Variants in GRAMD1C observed in about 807,000 individuals in gnomAD.
GRAMD1C encodes GRAM domain containing 1C.
GRAMD1C carries 89 observed loss-of-function variants against 97.8 expected under a neutral mutation model. The ratio of observed to expected loss-of-function variants is 0.91; its 90% CI spans 0.77 to 1.09. GRAMD1C has a LOEUF of 1.09. Among genes scored for constraint, GRAMD1C ranks in the 50% least tolerant of loss-of-function variants. The pLI is 0.00. For missense variants in GRAMD1C, 740 were observed against 766.4 expected, an observed-to-expected ratio of 0.97 and a Z score of 0.41; for synonymous variants, 256 against 267.0, an observed-to-expected ratio of 0.96 and a Z score of 0.40.
intron 10 of GRAMD1C, 55 bp from the exon 11 acceptor site, chr3:113,930,659 A>G (rs1577217799): frequency 1.8e-5 from 16 of 908,414 alleles, no homozygotes; most frequent in South Asian, 1.5e-4. Context: ...ATTTCATTTA[A>G]TGTCATACTG....
intron 6 of GRAMD1C, among the ~76,000 whole-genome samples, chr3:113,900,546 G>A (rs1430425127): frequency 1.3e-4 from 20 of 149,372 alleles, no homozygotes; most frequent in Middle Eastern, 3.4e-3. Flanking sequence ...TCAGCCTCCT[G>A]AATAGCTGGG....
At chr3:113,911,732 T>TCCTTCCTTC in intron 9 of GRAMD1C, among the ~76,000 whole-genome samples, 2 of 10,584 alleles carry the variant, frequency 1.9e-4, no homozygotes, top group African/African-American at 3.7e-4. Context: ...TCCTTCCTTT[T>TCCTTCCTTC]CTTTCTTTCT....
chr3:113,889,522 G>T (rs1264134392), intron 6 of GRAMD1C, among the ~76,000 whole-genome samples: 1 of 152,186 alleles, frequency 6.6e-6, no homozygotes, highest in Non-Finnish European at 1.5e-5. Context: ...TGTGAAAACC[G>T]CCTGAATTGT....
chr3:113,887,039 C>T lies in GRAMD1C; in HGVS notation c.540+4207C>T, dbSNP rs377233806. ...TCGTGATCCGCCTGCCTTGGCCTCC[C>T]AAAGTGCTGGGATTACAGGCATGAG... On this transcript the variant is annotated intron_variant, in intron 6 of 17. Transcript: ENST00000358160. Among the ~76,000 whole-genome samples, 14 of 148,130 alleles carry T rather than the reference C, an allele frequency of 9.5e-5. No homozygotes were observed. In the East Asian group the frequency reaches 2.0e-3, roughly 21 times the overall value.
At chr3:113,924,413 A>G (rs77754505) in intron 10 of GRAMD1C, among the ~76,000 whole-genome samples, 2,191 of 152,138 alleles carry the variant, frequency 0.014, 24 homozygotes, top group Non-Finnish European at 0.022. Flanking sequence ...GGTGTTTAGC[A>G]CTATAAACTT....
rs142768332 is a variant in GRAMD1C at position 113,945,324 on chromosome 3, G to A, written c.1909-74G>A. 447 of 833,554 alleles carry A rather than the reference G, an allele frequency of 5.4e-4. 5 individuals carry two copies. In the East Asian group the frequency reaches 0.011, roughly 21 times the overall value. The allele number at this position is 833,554 out of a possible 1,614,324, so 51.6% of individuals were successfully genotyped here. On this transcript the variant is annotated intron_variant, in intron 17 of 17. Transcript: ENST00000358160. Reference sequence around the variant, plus strand: ...TATATTAAGTGTCACTGTAAATTTTGGGCATAAAAAACAGAAATTTTCAAA... The same window carrying A: ...TATATTAAGTGTCACTGTAAATTTTAGGCATAAAAAACAGAAATTTTCAAA...
intron 2 of GRAMD1C, among the ~76,000 whole-genome samples, chr3:113,848,081 A>G (rs771722928): frequency 1.3e-5 from 2 of 152,258 alleles, no homozygotes; most frequent in Non-Finnish European, 2.9e-5. Context: ...AATAATTCAT[A>G]TGTTCTAGCC....
Position 113,868,161 on chromosome 3 carries a change from C to T in GRAMD1C, c.175-1346C>T, listed in dbSNP as rs146686407. ...TGTAAAAAATCTATTTGCTTAGGTT[C>T]TTTACTTGTTGAGTCATTGTTGTCA... On this transcript the variant is annotated intron_variant, in intron 2 of 17. Transcript: ENST00000358160. 2.0e-5 allele frequency among the ~76,000 whole-genome samples: 3 copies of T among 152,154 alleles called. No homozygotes were observed. In the East Asian group the frequency reaches 5.8e-4, roughly 29 times the overall value.
chr3:113,885,347 C>A, intron 6 of GRAMD1C: 1 of 1,592,508 alleles, frequency 6.3e-7, no homozygotes, highest in Non-Finnish European at 8.6e-7. Context: ...GTGGCCTTCG[C>A]TGCCAAGCTC....
chr3:113,870,390 A>AT (rs1491282244), intron 3 of GRAMD1C, among the ~76,000 whole-genome samples: 1 of 151,704 alleles, frequency 6.6e-6, no homozygotes, highest in Non-Finnish European at 1.5e-5. Context: ...AAAAAAAAAA[A>AT]GAGAGAGAGA....
At chr3:113,912,231 G>T (rs1166297812) in intron 9 of GRAMD1C, among the ~76,000 whole-genome samples, 1 of 152,144 alleles carries the variant, frequency 6.6e-6, no homozygotes, top group Non-Finnish European at 1.5e-5. Flanking sequence ...GGTTGAAGAA[G>T]AGACATCTCC....
intron 10 of GRAMD1C, among the ~76,000 whole-genome samples, chr3:113,918,011 A>G (rs1288853937): frequency 6.6e-6 from 1 of 151,934 alleles, no homozygotes; most frequent in African/African-American, 2.4e-5. Context: ...CCTAGACATA[A>G]TTATATATTC....
At chr3:113,933,028 G>A (rs973435490) in intron 11 of GRAMD1C, among the ~76,000 whole-genome samples, 1 of 152,002 alleles carries the variant, frequency 6.6e-6, no homozygotes, top group Non-Finnish European at 1.5e-5. Context: ...GGGATTACAG[G>A]CATGTGCCGC....
At chr3:113,924,679 A>G (rs1937175793) in intron 10 of GRAMD1C, among the ~76,000 whole-genome samples, 2 of 152,158 alleles carry the variant, frequency 1.3e-5, no homozygotes, top group Admixed American at 6.5e-5. Flanking sequence ...GAATTGTTTA[A>G]TGGCTGATTG....
Position 113,849,307 on chromosome 3 carries a change from A to ATTTTTTTT in GRAMD1C, c.174+4664_174+4665insTTTTTTTT, listed in dbSNP as rs1256188993. On this transcript the variant is annotated intron_variant, in intron 2 of 17. Coordinates refer to ENST00000358160, the MANE Select transcript of GRAMD1C (RefSeq NM_017577.5). ...TATTTATTTATTTATTTATTTATTT[A>ATTTTTTTT]TTTTTTATTGATCATTCTTGGGTGT... Among the ~76,000 whole-genome samples, 8 of 141,020 alleles carry ATTTTTTTT rather than the reference A, an allele frequency of 5.7e-5. No homozygotes were observed. In the East Asian group the frequency reaches 6.0e-4, roughly 11 times the overall value. 92.5% of individuals were successfully genotyped at this position (141,020 alleles called of 152,430 possible).
At chr3:113,935,764 T>C (rs1937567651) in intron 13 of GRAMD1C, among the ~76,000 whole-genome samples, 1 of 152,110 alleles carries the variant, frequency 6.6e-6, no homozygotes, top group Non-Finnish European at 1.5e-5. Flanking sequence ...AAGTTTCTAA[T>C]AAAAATTCTG....
rs1366381337 is a variant in GRAMD1C at position 113,939,914 on chromosome 3, A to G, written c.1720A>G (p.Thr574Ala). 1.2e-6 allele frequency: 2 copies of G among 1,605,534 alleles called. No homozygotes were observed. Among genetic ancestry groups the G allele is most frequent in the Non-Finnish European group, 1.7e-6 (2 of 1,172,162 alleles). Residue 574 changes from threonine to alanine, a missense_variant, in exon 16 of 18, where the codon ACA (threonine) becomes GCA (alanine). Transcript: ENST00000358160. Reference sequence around the variant, plus strand: ...GTTGTTATTAGTTTTGTTGAATGTGACACTGTTTCTGAAGCTGTCAAAGAT... The same window carrying G: ...GTTGTTATTAGTTTTGTTGAATGTGGCACTGTTTCTGAAGCTGTCAAAGAT... ...FVLLLVLLNVTLFLKLSKIEH... is the reference protein window; with the variant it reads ...FVLLLVLLNVALFLKLSKIEH...
chr3:113,926,991 C>G (rs1937252127), intron 10 of GRAMD1C, among the ~76,000 whole-genome samples: 1 of 152,158 alleles, frequency 6.6e-6, no homozygotes, highest in Non-Finnish European at 1.5e-5. Context: ...ATCTGTGCTG[C>G]TCATGAATGC....
chr3:113,932,727 A>G (rs542232405), intron 11 of GRAMD1C, among the ~76,000 whole-genome samples: 1 of 152,296 alleles, frequency 6.6e-6, no homozygotes, highest in East Asian at 1.9e-4. Context: ...TCTCTTTAAG[A>G]GACAGTTTCA....
Sources: gnomAD v4.1 joint callset for allele counts (sites outside exome capture counted in the v4.1 genomes callset) on GRCh38, gnomAD v4.1.1 for gene constraint, MANE v1.5 for transcripts, NCBI Gene and HGNC (gene_info 2026-07-23, HGNC 2026-07-21) for gene names.